The following SUCO variants were observed in gnomAD, a reference collection of about 807,000 sequenced individuals.
The protein encoded by SUCO is SUN domain containing ossification factor.
SUCO carries 57 observed loss-of-function variants against 148.1 expected under a neutral mutation model. The ratio of observed to expected loss-of-function variants is 0.38; its 90% CI spans 0.31 to 0.48. SUCO has a LOEUF of 0.48. SUCO is among the 20% of genes least tolerant of loss of function. SUCO has a pLI of 0.96. For missense variants in SUCO, 1,331 were observed against 1,468.2 expected (o/e 0.91, Z 1.53); for synonymous variants, 470 against 502.7 (o/e 0.93, Z 0.87).
chr1:172,578,238 A>C, intron 13 of SUCO, 60 bp from the exon 14 acceptor site: 4 of 1,233,678 alleles, frequency 3.2e-6, no homozygotes, highest in Non-Finnish European at 4.8e-6. Flanking sequence ...TTTATTGTGA[A>C]GAGATTAGTC....
chr1:172,534,809 A>G (rs370895244), intron 1 of SUCO, among the ~76,000 whole-genome samples: 2 of 152,258 alleles, frequency 1.3e-5, no homozygotes, highest in South Asian at 2.1e-4. Context: ...CTGCCTAGTT[A>G]TATTTGTAGA....
intron 19 of SUCO, among the ~76,000 whole-genome samples, chr1:172,591,753 T>C (rs1309772689): frequency 1.3e-5 from 2 of 152,114 alleles, no homozygotes; most frequent in Non-Finnish European, 2.9e-5. Flanking sequence ...TGTGCATGTG[T>C]CTTTATAGCA....
chr1:172,577,603 C>A, intron 12 of SUCO, 44 bp downstream of exon 12: 1 of 1,599,436 alleles, frequency 6.3e-7, no homozygotes, highest in Non-Finnish European at 8.5e-7. Flanking sequence ...CAGGGCATGG[C>A]GTATTAATGC....
At chr1:172,596,245 A>G (rs1657089072) in intron 19 of SUCO, among the ~76,000 whole-genome samples, 1 of 152,118 alleles carries the variant, frequency 6.6e-6, no homozygotes. Flanking sequence ...AGCTCAGAGA[A>G]GTTTGTTATT....
chr1:172,583,609 T>C (rs1324223843), intron 15 of SUCO, among the ~76,000 whole-genome samples: 1 of 152,178 alleles, frequency 6.6e-6, no homozygotes, highest in Non-Finnish European at 1.5e-5. Context: ...ACTTTTCACA[T>C]CTCTGGTTTT....
At chr1:172,596,037 A>G (rs546817337) in intron 19 of SUCO, among the ~76,000 whole-genome samples, 7 of 152,214 alleles carry the variant, frequency 4.6e-5, no homozygotes, top group African/African-American at 9.6e-5. Context: ...TTGATCTTCA[A>G]TCACTGATAC....
At chr1:172,542,885 G>A (rs1021789468) in intron 1 of SUCO, 1 of 985,278 alleles carries the variant, frequency 1.0e-6, no homozygotes, top group Non-Finnish European at 1.2e-6. Flanking sequence ...AAATGTCTTA[G>A]ATAAGTTTGG....
intron 11 of SUCO, among the ~76,000 whole-genome samples, chr1:172,576,104 CA>C (rs765145192): frequency 6.6e-6 from 1 of 151,780 alleles, no homozygotes; most frequent in Non-Finnish European, 1.5e-5. Flanking sequence ...GTACCAATTG[CA>C]AATAAAATAG....
intron 15 of SUCO, among the ~76,000 whole-genome samples, chr1:172,579,745 T>A (rs1043693600): frequency 6.6e-6 from 1 of 152,124 alleles, no homozygotes; most frequent in Non-Finnish European, 1.5e-5. Context: ...TAGTTTGTTG[T>A]TATTCCAAAG....
chr1:172,606,641 G>A (rs1657886397), intron 22 of SUCO, among the ~76,000 whole-genome samples: 1 of 151,784 alleles, frequency 6.6e-6, no homozygotes, highest in South Asian at 2.1e-4. Context: ...ATTCTTCAGA[G>A]CTTTCATTTG....
At chr1:172,584,219 CT>C (rs1225802363) in intron 15 of SUCO, 2 of 167,918 alleles carry the variant, frequency 1.2e-5, no homozygotes, top group African/African-American at 2.4e-5. Context: ...ATGTTTTCTG[CT>C]TTTTTTTGGA....
At chr1:172,534,245 T>A (rs555163430) in intron 1 of SUCO, among the ~76,000 whole-genome samples, 1 of 151,912 alleles carries the variant, frequency 6.6e-6, no homozygotes, top group African/African-American at 2.4e-5. Context: ...ACTTCTGGAG[T>A]TTTTTGAGGA....
chr1:172,596,132 A>T (rs1476955954), intron 19 of SUCO, among the ~76,000 whole-genome samples: 1 of 152,080 alleles, frequency 6.6e-6, no homozygotes, highest in Non-Finnish European at 1.5e-5. Context: ...GCTCCATCAG[A>T]TCAATTAAGG....
intron 6 of SUCO, among the ~76,000 whole-genome samples, chr1:172,565,034 C>A (rs930530521): frequency 6.6e-6 from 1 of 152,178 alleles, no homozygotes; most frequent in African/African-American, 2.4e-5. Flanking sequence ...TTATACCATA[C>A]AATAAGCTCA....
chr1:172,586,486 A>G (rs1210860653), intron 17 of SUCO, among the ~76,000 whole-genome samples: 2 of 152,140 alleles, frequency 1.3e-5, no homozygotes, highest in African/African-American at 4.8e-5. Context: ...GGTAATAGAT[A>G]TATCTTTTAC....
At chr1:172,554,189 T>C (rs982995468) in intron 3 of SUCO, among the ~76,000 whole-genome samples, 1 of 152,238 alleles carries the variant, frequency 6.6e-6, no homozygotes, top group Non-Finnish European at 1.5e-5. Context: ...TTTCATTTTA[T>C]TGGATTCTGG....
At chr1:172,600,984 T>A (rs1657475142) in intron 20 of SUCO, among the ~76,000 whole-genome samples, 1 of 152,166 alleles carries the variant, frequency 6.6e-6, no homozygotes, top group Non-Finnish European at 1.5e-5. Context: ...AGAAATGGGT[T>A]CAAGATATTG....
At chr1:172,544,089 C>G (rs1039665084) in intron 1 of SUCO, 62 of 700,816 alleles carry the variant, frequency 8.8e-5, no homozygotes, top group Non-Finnish European at 1.0e-4. Context: ...TAAATTTTTT[C>G]AGATATCCAG....
chr1:172,562,327 A>G (rs61103448), intron 6 of SUCO, among the ~76,000 whole-genome samples: 4 of 137,706 alleles, frequency 2.9e-5, no homozygotes, highest in Admixed American at 7.3e-5. Context: ...GGGTTTTAAC[A>G]TTTTTTTTTT....
Sources: gnomAD v4.1 joint callset for allele counts (sites outside exome capture counted in the v4.1 genomes callset) on GRCh38, gnomAD v4.1.1 for gene constraint, MANE v1.5 for transcripts, NCBI Gene and HGNC (gene_info 2026-07-23, HGNC 2026-07-21) for gene names.